Variants in PDZD2 observed in about 807,000 individuals in gnomAD.
PDZD2 encodes PDZ domain-containing protein 2.
In PDZD2, 90 loss-of-function variants were observed where a neutral mutation model predicts 220.7. The ratio of observed to expected loss-of-function variants is 0.41; its 90% confidence interval spans 0.34 to 0.49. The LOEUF is 0.49. PDZD2 is among the 20% of genes least tolerant of loss of function. The pLI is 0.28. For missense variants in PDZD2, 3,174 were observed against 3,608.5 expected (o/e 0.88, Z 3.08); for synonymous variants, 1,375 against 1,450.5 (o/e 0.95, Z 1.18).
chr5:31,849,399 T>A (rs1310879008), intron 2 of PDZD2, among the ~76,000 whole-genome samples: 6 of 152,086 alleles, frequency 3.9e-5, no homozygotes, highest in African/African-American at 1.4e-4. Flanking sequence ...AATGAGATAA[T>A]CTAAATAAAG....
At chr5:32,036,012 C>T (rs1350917396) in intron 6 of PDZD2, among the ~76,000 whole-genome samples, 4 of 152,118 alleles carry the variant, frequency 2.6e-5, no homozygotes, top group Non-Finnish European at 4.4e-5. Context: ...AGCGTGATCT[C>T]GGCTCACTGC....
rs375244055 is a variant in PDZD2 at position 32,000,740 on chromosome 5, C to T, written c.1254+469C>T. 2.2e-3 allele frequency among the ~76,000 whole-genome samples: 338 copies of T among 152,256 alleles called. No homozygotes were observed. The highest frequency in any genetic ancestry group is 3.5e-3 in the Non-Finnish European group (237 of 68,014). On this transcript the variant is annotated intron_variant, in intron 5 of 24. Transcript: ENST00000438447. The surrounding 1 kb of genome is among the most constrained non-coding windows in gnomAD (Gnocchi z 4.5). Reference sequence around the variant, plus strand: ...GGTCAGGCTGGTCTCAAACTCCTGACCTCAGGTGATGCACCTGCCTCAGCT... The same window carrying T: ...GGTCAGGCTGGTCTCAAACTCCTGATCTCAGGTGATGCACCTGCCTCAGCT...
At chr5:31,768,573 C>T (rs185031591) in intron 1 of PDZD2, among the ~76,000 whole-genome samples, 134 of 149,190 alleles carry the variant, frequency 9.0e-4, no homozygotes, top group African/African-American at 3.1e-3. Flanking sequence ...ACCCAGGAGG[C>T]GGAGGTTGCA....
chr5:31,674,405 G>A (rs1216765896), intron 1 of PDZD2, among the ~76,000 whole-genome samples: 6 of 152,204 alleles, frequency 3.9e-5, no homozygotes, highest in Non-Finnish European at 8.8e-5. Context: ...ATTAATGAGA[G>A]TATGGTGTTT....
In PDZD2 at chr5:32,074,361, C is replaced by T. The variant is rs1741067161; in HGVS notation, c.3255C>T (p.Pro1085=). The change falls in exon 18 of 25, where the codon CCC becomes CCT. Residue 1085 remains proline, a synonymous_variant. Transcript: ENST00000438447. The stretch of plus-strand genomic sequence containing the variant: ...AACTGTCAGGATCAAGTAGCGCACC[C>T]AAATTGGAATACACAGTCCGTACAG... ...KKELSGSSSA[P]KLEYTVRTDT... is the part of the protein sequence containing the mutation. The T allele has an allele frequency of 1.2e-6, 2 of 1,614,200 alleles. No individual in the cohort carries two copies. The highest frequency in any genetic ancestry group is 1.7e-5 in the Admixed American group (1 of 60,004).
At chr5:32,061,196 A>G in intron 14 of PDZD2, 62 bp downstream of exon 14, 2 of 1,549,094 alleles carry the variant, frequency 1.3e-6, no homozygotes, top group Non-Finnish European at 1.8e-6. Flanking sequence ...GATATCGTAT[A>G]CTCTTTGGTG....
At chr5:32,100,644 A>C in intron 23 of PDZD2, 1 of 360,272 alleles carries the variant, frequency 2.8e-6, no homozygotes, top group South Asian at 2.1e-5. Context: ...ACAGTCTCAC[A>C]TGAGACTGGG....
chr5:32,006,279 T>TTATTACA (rs1335294671), intron 5 of PDZD2, among the ~76,000 whole-genome samples: 1 of 152,120 alleles, frequency 6.6e-6, no homozygotes, highest in African/African-American at 2.4e-5. Flanking sequence ...ATTAATATAG[T>TTATTACA]TATTACATAT....
chr5:32,042,626 A>G (rs553089542), intron 7 of PDZD2, among the ~76,000 whole-genome samples: 38 of 152,178 alleles, frequency 2.5e-4, no homozygotes, highest in Non-Finnish European at 5.0e-4. Context: ...TTTTGTGCTC[A>G]TGACTCAGAA....
At chr5:31,991,158 A>G (rs1173900272) in intron 3 of PDZD2, among the ~76,000 whole-genome samples, 5 of 152,158 alleles carry the variant, frequency 3.3e-5, no homozygotes, top group African/African-American at 7.2e-5. Flanking sequence ...TCCTGTGGGA[A>G]GTTGTTGGAG....
At chr5:32,010,577 A>T in intron 6 of PDZD2, 95 bp downstream of exon 6, 2 of 845,228 alleles carry the variant, frequency 2.4e-6, no homozygotes, top group Non-Finnish European at 4.1e-6. Context: ...AGATAGTATG[A>T]TAGAGACCAT....
At chr5:31,675,946 C>T (rs1746395486) in intron 1 of PDZD2, among the ~76,000 whole-genome samples, 1 of 152,230 alleles carries the variant, frequency 6.6e-6, no homozygotes, top group African/African-American at 2.4e-5. Context: ...AAGCAATCTG[C>T]CCTCTTAGGC....
intron 2 of PDZD2, among the ~76,000 whole-genome samples, chr5:31,909,664 A>C (rs1050481443): frequency 6.6e-6 from 1 of 152,232 alleles, no homozygotes; most frequent in African/African-American, 2.4e-5. Flanking sequence ...ACAGTGATAT[A>C]CATGAAATAG....
At chr5:31,887,022 G>A (rs554382678) in intron 2 of PDZD2, among the ~76,000 whole-genome samples, 7 of 152,228 alleles carry the variant, frequency 4.6e-5, no homozygotes, top group Non-Finnish European at 7.4e-5. Flanking sequence ...CTTGAATGCC[G>A]CCTGGGTGCA....
rs564665461 is a variant in PDZD2 at position 31,963,045 on chromosome 5, G to C, written c.477-20110G>C. ...TTTCCTGCTGAGAACACTTGGTAAT[G>C]AAGTGAGTTCCTAGTACTCTAAAAC... On this transcript the variant is annotated intron_variant, in intron 2 of 24. Coordinates refer to ENST00000438447, the MANE Select transcript of PDZD2 (RefSeq NM_178140.4). Among the ~76,000 whole-genome samples the C allele has an allele frequency of 3.5e-3, 539 of 152,282 alleles. 2 individuals are homozygous for C. Among genetic ancestry groups the C allele is most frequent in the African/African-American group, 0.013 (527 of 41,550 alleles).
chr5:31,964,865 G>C (rs1017614710), intron 2 of PDZD2, among the ~76,000 whole-genome samples: 2 of 152,108 alleles, frequency 1.3e-5, no homozygotes, highest in African/African-American at 4.8e-5. Flanking sequence ...ACAGGCACCC[G>C]CCACCACGCC....
intron 19 of PDZD2, among the ~76,000 whole-genome samples, chr5:32,080,221 A>G (rs245150): frequency 0.34 from 51,160 of 151,316 alleles, 9,607 homozygotes; most frequent in African/African-American, 0.49. Context: ...GGTGGTGGGC[A>G]CCTGTAGTCC....
At chr5:31,745,399 C>T (rs1341462927) in intron 1 of PDZD2, among the ~76,000 whole-genome samples, 2 of 152,132 alleles carry the variant, frequency 1.3e-5, no homozygotes, top group African/African-American at 4.8e-5. Context: ...AGAATAGTGT[C>T]TGATACACAG....
intron 3 of PDZD2, among the ~76,000 whole-genome samples, chr5:31,988,607 CCT>C (rs1457155430): frequency 6.6e-6 from 1 of 152,146 alleles, no homozygotes; most frequent in Non-Finnish European, 1.5e-5. Flanking sequence ...GCATTTCTCC[CCT>C]GACTCCAGAA....
Sources: allele counts gnomAD v4.1 joint callset (sites outside exome capture counted in the v4.1 genomes callset), GRCh38; gene constraint gnomAD v4.1.1; non-coding constraint Gnocchi (gnomAD v3.1); transcripts MANE v1.5; gene names NCBI Gene and HGNC (gene_info 2026-07-23, HGNC 2026-07-21).